PTPRN2: variants seen among roughly 807,000 people sequenced by gnomAD.
The protein encoded by PTPRN2 is protein tyrosine phosphatase receptor type N2, also known as receptor-type tyrosine-protein phosphatase N2.
PTPRN2 carries 74 observed loss-of-function variants against 118.8 expected under a neutral mutation model. The observed-to-expected ratio is 0.62, with a 90% confidence interval of 0.52 to 0.76. PTPRN2 has a LOEUF of 0.76. Ranked by LOEUF, PTPRN2 falls within the 30% of genes least tolerant of loss-of-function variation. The pLI is 0.00. For missense variants in PTPRN2, 1,481 were observed against 1,394.4 expected, an observed-to-expected ratio of 1.06 and a Z score of -0.99; for synonymous variants, 641 against 608.0, an observed-to-expected ratio of 1.05 and a Z score of -0.80.
rs556272936 is a variant in PTPRN2, at chr7:157,611,749, G to C, written c.2345-7674C>G. Among the ~76,000 whole-genome samples, 1 of 149,322 alleles carries C rather than the reference G, an allele frequency of 6.7e-6. No homozygotes were observed. The highest frequency in any genetic ancestry group is 2.5e-5 in the African/African-American group (1 of 40,450). Reference sequence around the variant, plus strand: ...TGCTGGGGACACGCGGAGGGAGCGCGCCCGTGTGAAGACGAAGACAGCCGC... The same window carrying C: ...TGCTGGGGACACGCGGAGGGAGCGCCCCCGTGTGAAGACGAAGACAGCCGC... On this transcript the variant is annotated intron_variant, in intron 15 of 22. Transcript: ENST00000389418. This position sits in a 1 kb window ranked among gnomAD's most constrained non-coding sequence, Gnocchi z 5.9.
intron 3 of PTPRN2, among the ~76,000 whole-genome samples, chr7:158,302,538 C>A (rs931366809): frequency 2.0e-5 from 3 of 152,398 alleles, no homozygotes; most frequent in Admixed American, 6.5e-5. Context: ...CAGTCACCGA[C>A]TGCATGCAAA....
chr7:158,527,873 A>C (rs368499743), intron 1 of PTPRN2, among the ~76,000 whole-genome samples: 1 of 152,150 alleles, frequency 6.6e-6, no homozygotes, highest in Non-Finnish European at 1.5e-5. Context: ...CACCTGCCCC[A>C]CAAGCTGCGC....
intron 11 of PTPRN2, among the ~76,000 whole-genome samples, chr7:158,010,165 A>T (rs889253418): frequency 2.0e-5 from 3 of 152,148 alleles, no homozygotes; most frequent in Non-Finnish European, 4.4e-5. Flanking sequence ...AGCTCAGCAC[A>T]AGGTAAAGCC....
intron 1 of PTPRN2, among the ~76,000 whole-genome samples, chr7:158,527,108 AGAGCATCCCTCCGAG>A (rs754352501): frequency 8.5e-5 from 13 of 152,262 alleles, no homozygotes; most frequent in South Asian, 4.1e-4. Flanking sequence ...CAGGCCTGGG[AGAGCATCCCTCCGAG>A]GAGCATCCCT....
intron 12 of PTPRN2, among the ~76,000 whole-genome samples, chr7:157,876,949 C>T (rs939172477): frequency 1.3e-5 from 2 of 152,188 alleles, no homozygotes; most frequent in Admixed American, 6.5e-5. Context: ...TGGACGGCCT[C>T]GCTAGCCTTT....
At chr7:157,559,835 G>A (rs775002926) in intron 21 of PTPRN2, among the ~76,000 whole-genome samples, 9 of 151,738 alleles carry the variant, frequency 5.9e-5, no homozygotes, top group Admixed American at 5.9e-4. Flanking sequence ...GGCCCCCCCC[G>A]CCCCGTCTCT....
intron 3 of PTPRN2, among the ~76,000 whole-genome samples, chr7:158,316,585 G>A (rs944677602): frequency 6.6e-6 from 1 of 152,100 alleles, no homozygotes; most frequent in African/African-American, 2.4e-5. Context: ...GCAGCCTCCT[G>A]GCATCTCCTC....
chr7:158,130,317 G>A (rs1201598315), intron 9 of PTPRN2, among the ~76,000 whole-genome samples: 4 of 152,072 alleles, frequency 2.6e-5, no homozygotes, highest in South Asian at 2.1e-4. Context: ...AGAAATACCC[G>A]AACAGACGCA....
At chr7:158,411,017 G>A (rs1028572830) in intron 2 of PTPRN2, among the ~76,000 whole-genome samples, 4 of 151,040 alleles carry the variant, frequency 2.6e-5, no homozygotes, top group Non-Finnish European at 4.4e-5. Context: ...GTGGTGTCAG[G>A]CCACAGAGAT....
chr7:157,913,924 T>C (rs1253614647), intron 11 of PTPRN2, among the ~76,000 whole-genome samples: 1 of 152,236 alleles, frequency 6.6e-6, no homozygotes. Flanking sequence ...TTATAAAATA[T>C]GTGGGCCTGA....
chr7:158,277,474 C>T lies in PTPRN2; in HGVS notation c.277+39345G>A, dbSNP rs1375767916. ...GTCTGCCCTATAAAGGAGATGAACC[C>T]TGAAAACACTGACCCCTGAAATCAG... On this transcript the variant is annotated intron_variant, in intron 3 of 22. Transcript: ENST00000389418. 2.0e-5 allele frequency among the ~76,000 whole-genome samples: 3 copies of T among 152,292 alleles called. No individual in the cohort carries two copies. The East Asian group carries it at 5.8e-4, about 29-fold the overall frequency.
intron 11 of PTPRN2, among the ~76,000 whole-genome samples, chr7:158,075,149 G>GGTGCTGCCAGCCCTGA (rs1480988273): frequency 6.6e-6 from 1 of 152,164 alleles, no homozygotes; most frequent in African/African-American, 2.4e-5. Flanking sequence ...ACAGGTCCTG[G>GGTGCTGCCAGCCCTGA]GTGCTGCCAG....
At chr7:158,266,707 C>T (rs192641694) in intron 3 of PTPRN2, among the ~76,000 whole-genome samples, 247 of 152,292 alleles carry the variant, frequency 1.6e-3, no homozygotes, top group African/African-American at 5.5e-3. Context: ...CACTTCCCGG[C>T]TTTAACCTGG....
chr7:157,873,466 G>A (rs1479393375), intron 12 of PTPRN2, among the ~76,000 whole-genome samples: 1 of 152,092 alleles, frequency 6.6e-6, no homozygotes, highest in African/African-American at 2.4e-5. Context: ...CGTGGGGGCC[G>A]GGAGGAGAAC....
intron 11 of PTPRN2, among the ~76,000 whole-genome samples, chr7:158,025,194 G>A (rs917181845): frequency 6.6e-6 from 1 of 152,166 alleles, no homozygotes; most frequent in Admixed American, 6.5e-5. Flanking sequence ...ATTTCAGAGT[G>A]GGAGAGCCGC....
chr7:158,044,707 A>C (rs1008776885), intron 11 of PTPRN2, among the ~76,000 whole-genome samples: 2 of 152,178 alleles, frequency 1.3e-5, no homozygotes, highest in African/African-American at 2.4e-5. Context: ...CCAAGATGGG[A>C]GCTCTGCCTC....
chr7:158,283,232 C>T (rs557804654), intron 3 of PTPRN2, among the ~76,000 whole-genome samples: 25 of 152,352 alleles, frequency 1.6e-4, no homozygotes, highest in African/African-American at 5.5e-4. Context: ...TTCAGTCAGG[C>T]GGCAGCCGTC....
chr7:158,536,924 GC>G (rs1337955592), intron 1 of PTPRN2, among the ~76,000 whole-genome samples: 1 of 152,202 alleles, frequency 6.6e-6, no homozygotes, highest in African/African-American at 2.4e-5. Context: ...GACAGACTGT[GC>G]CCCGGACTGA....
intron 19 of PTPRN2, chr7:157,574,302 A>G (rs1298676525): frequency 2.0e-6 from 1 of 494,052 alleles, no homozygotes. Flanking sequence ...GAGGCTCAGA[A>G]AAGGGGCTTT....
Sources: gnomAD v4.1 joint callset for allele counts (sites outside exome capture counted in the v4.1 genomes callset) on GRCh38, gnomAD v4.1.1 for gene constraint, Gnocchi (gnomAD v3.1) non-coding constraint, MANE v1.5 for transcripts, NCBI Gene and HGNC (gene_info 2026-07-23, HGNC 2026-07-21) for gene names.